Variants in SEZ6L observed in about 807,000 individuals in gnomAD.
SEZ6L encodes seizure 6-like protein.
SEZ6L carries 37 observed loss-of-function variants against 106.2 expected under a neutral mutation model. The observed-to-expected ratio is 0.35, with a 90% CI of 0.27 to 0.46. The LOEUF (loss-of-function observed/expected upper bound fraction) is 0.46, where lower values mean the gene tolerates loss of function less well. Ranked by LOEUF, SEZ6L falls within the 20% of genes least tolerant of loss-of-function variation. The probability of loss-of-function intolerance (pLI) is 1.00; values close to 1 mark genes in which losing one functional copy is unlikely to be tolerated. For synonymous variants in SEZ6L, 541 were observed against 570.4 expected (o/e 0.95, Z 0.73); for missense variants, 1,172 against 1,332.8 (o/e 0.88, Z 1.88).
At chr22:26,222,982 C>T (rs982957860) in intron 1 of SEZ6L, among the ~76,000 whole-genome samples, 2 of 96,028 alleles carry the variant, frequency 2.1e-5, no homozygotes, top group African/African-American at 1.3e-4. Flanking sequence ...GGGACAGCCT[C>T]CCACAAAAAA....
At chr22:26,338,974 G>A (rs923661692) in intron 9 of SEZ6L, among the ~76,000 whole-genome samples, 1 of 147,536 alleles carries the variant, frequency 6.8e-6, no homozygotes, top group East Asian at 2.0e-4. Flanking sequence ...AAAGTGCTGG[G>A]ATTACAGGTG....
intron 12 of SEZ6L, among the ~76,000 whole-genome samples, chr22:26,360,648 A>G (rs2083585656): frequency 6.6e-6 from 1 of 152,190 alleles, no homozygotes; most frequent in Admixed American, 6.5e-5. Context: ...GAAGGGAGCC[A>G]CCAACGTCAT....
At chr22:26,324,443 CTAAGT>C (rs2082250708) in intron 9 of SEZ6L, among the ~76,000 whole-genome samples, 1 of 152,152 alleles carries the variant, frequency 6.6e-6, no homozygotes, top group South Asian at 2.1e-4. Context: ...CTGTTCTGTG[CTAAGT>C]TAATTCCAAG....
chr22:26,212,483 C>T (rs1483143894), intron 1 of SEZ6L, among the ~76,000 whole-genome samples: 3 of 152,204 alleles, frequency 2.0e-5, no homozygotes, highest in Admixed American at 6.5e-5. Context: ...AGGGCAGTGG[C>T]GCCATCATGG....
At chr22:26,214,647 C>G (rs1315072393) in intron 1 of SEZ6L, among the ~76,000 whole-genome samples, 5 of 152,174 alleles carry the variant, frequency 3.3e-5, no homozygotes, top group Admixed American at 3.3e-4. Flanking sequence ...AACAGACAGA[C>G]AGCAACACCT....
chr22:26,355,050 A>G (rs2146032601), intron 12 of SEZ6L, among the ~76,000 whole-genome samples: 1 of 152,330 alleles, frequency 6.6e-6, no homozygotes, highest in South Asian at 2.1e-4. Flanking sequence ...CTAGGTTCTG[A>G]AGGCATTTTT....
At chr22:26,332,746 C>G (rs907236896) in intron 9 of SEZ6L, among the ~76,000 whole-genome samples, 2 of 152,240 alleles carry the variant, frequency 1.3e-5, no homozygotes, top group African/African-American at 2.4e-5. Flanking sequence ...TCATGCCCAG[C>G]TGTTCTGAAT....
At position 26,292,668 on chromosome 22, in the gene SEZ6L, G is replaced by A. The variant is rs575402692; in HGVS notation, c.357G>A (p.Leu119=). ...PKHALPPKKK[L]PSLKQVNSAR... is the part of the protein sequence containing the mutation. The stretch of plus-strand genomic sequence containing the variant: ...ACGCCTTGCCCCCCAAGAAGAAACT[G>A]CCTTCGCTCAAGCAGGTGAACTCTG... The change falls in exon 2 of 17, where the codon CTG becomes CTA. Residue 119 remains leucine, a synonymous_variant. Coordinates refer to ENST00000248933, the MANE Select transcript of SEZ6L (RefSeq NM_021115.5). The A allele has an allele frequency of 5.2e-5, 84 of 1,613,350 alleles. 2 individuals carry two copies. The South Asian group carries it at 8.0e-4, about 15-fold the overall frequency.
Position 26,351,204 on chromosome 22 carries a change from G to C in SEZ6L, c.2560G>C (p.Gly854Arg). 6.2e-7 allele frequency: 1 copy of C among 1,614,140 alleles called. No individual in the cohort carries two copies. The highest frequency in any genetic ancestry group is 8.5e-7 in the Non-Finnish European group (1 of 1,180,004). ...TCTGACCTGCTACAGCCGTGAAACAGGGACTCCCATCTGGACGTCTCGCCT... is the reference window on the plus strand; with the variant it reads ...TCTGACCTGCTACAGCCGTGAAACACGGACTCCCATCTGGACGTCTCGCCT... ...SLLTCYSRETGTPIWTSRLPH... is the reference protein window; with the variant it reads ...SLLTCYSRETRTPIWTSRLPH... The change falls in exon 12 of 17, where the codon GGG (glycine) becomes CGG (arginine). Residue 854 changes from glycine (G) to arginine (R), a missense_variant. By Grantham distance (125) the Gly-to-Arg change is moderately radical (BLOSUM62 -2). Coordinates refer to ENST00000248933, the MANE Select transcript of SEZ6L (RefSeq NM_021115.5).
chr22:26,353,657 A>G (rs1202079283), intron 12 of SEZ6L, among the ~76,000 whole-genome samples: 2 of 152,178 alleles, frequency 1.3e-5, no homozygotes, highest in Non-Finnish European at 2.9e-5. Flanking sequence ...TGTAACTGCG[A>G]CCTTGATTGG....
At chr22:26,304,549 A>G (rs1317361789) in intron 5 of SEZ6L, among the ~76,000 whole-genome samples, 1 of 152,176 alleles carries the variant, frequency 6.6e-6, no homozygotes, top group African/African-American at 2.4e-5. Context: ...CTCGCTTGAG[A>G]ACTGGAAAGT....
At chr22:26,200,397 C>T (rs956191199) in intron 1 of SEZ6L, among the ~76,000 whole-genome samples, 2 of 152,162 alleles carry the variant, frequency 1.3e-5, no homozygotes, top group Non-Finnish European at 2.9e-5. Flanking sequence ...AGAGACACCG[C>T]TTCTGCTTTC....
intron 12 of SEZ6L, among the ~76,000 whole-genome samples, chr22:26,362,905 A>G (rs1411957150): frequency 6.6e-6 from 1 of 152,246 alleles, no homozygotes; most frequent in Non-Finnish European, 1.5e-5. Flanking sequence ...GAGGAGATCA[A>G]AGTCCCGATT....
At chr22:26,324,014 G>A (rs969765296) in intron 9 of SEZ6L, among the ~76,000 whole-genome samples, 1 of 150,986 alleles carries the variant, frequency 6.6e-6, no homozygotes, top group South Asian at 2.1e-4. Context: ...TTAGGATGTG[G>A]CCAAGTCAGG....
At chr22:26,277,118 T>C (rs898328185) in intron 1 of SEZ6L, among the ~76,000 whole-genome samples, 2 of 151,766 alleles carry the variant, frequency 1.3e-5, no homozygotes, top group African/African-American at 4.8e-5. Context: ...TTTTTTTTTT[T>C]TTAATATAGC....
chr22:26,247,836 C>G (rs2079414984), intron 1 of SEZ6L, among the ~76,000 whole-genome samples: 1 of 152,210 alleles, frequency 6.6e-6, no homozygotes, highest in African/African-American at 2.4e-5. Context: ...TAGACAGATT[C>G]TGCAGGATGA....
At chr22:26,170,161 G>A (rs1362210361) in intron 1 of SEZ6L, among the ~76,000 whole-genome samples, 1 of 152,092 alleles carries the variant, frequency 6.6e-6, no homozygotes, top group Non-Finnish European at 1.5e-5. Flanking sequence ...AGGACAGGAA[G>A]GGGGGTGAGA....
chr22:26,224,205 A>T (rs867779125), intron 1 of SEZ6L, among the ~76,000 whole-genome samples: 2 of 152,248 alleles, frequency 1.3e-5, no homozygotes, highest in Non-Finnish European at 2.9e-5. Flanking sequence ...CCAAGTTAGA[A>T]GAAGAAATGA....
intron 1 of SEZ6L, among the ~76,000 whole-genome samples, chr22:26,216,991 C>G (rs894550212): frequency 3.3e-5 from 5 of 152,178 alleles, no homozygotes; most frequent in African/African-American, 9.7e-5. Context: ...CCACTGGGCT[C>G]TCCTGCACCC....
Sources: allele counts gnomAD v4.1 joint callset (sites outside exome capture counted in the v4.1 genomes callset), GRCh38; gene constraint gnomAD v4.1.1; transcripts MANE v1.5; gene names NCBI Gene and HGNC (gene_info 2026-07-23, HGNC 2026-07-21).